Variants in DLG2 observed in about 807,000 individuals in gnomAD.
DLG2 encodes the protein discs large MAGUK scaffold protein 2.
DLG2 carries 45 observed loss-of-function variants against 132.5 expected under a neutral mutation model. The observed-to-expected ratio is 0.34, with a 90% CI of 0.27 to 0.44. The LOEUF is 0.44. Among genes scored for constraint, DLG2 ranks in the 20% least tolerant of loss-of-function variants. The probability of loss-of-function intolerance (pLI) is 1.00; values close to 1 mark genes in which losing one functional copy is unlikely to be tolerated. For synonymous variants in DLG2, 424 were observed against 419.6 expected (o/e 1.01, Z -0.13); for missense variants, 1,045 against 1,196.9 (o/e 0.87, Z 1.87).
At chr11:84,961,043 G>T (rs894737367) in intron 6 of DLG2, among the ~76,000 whole-genome samples, 2 of 151,920 alleles carry the variant, frequency 1.3e-5, no homozygotes, top group Non-Finnish European at 2.9e-5. Context: ...GTTATATATT[G>T]AAATGTAAAT....
intron 6 of DLG2, among the ~76,000 whole-genome samples, chr11:84,675,341 T>C (rs1440451455): frequency 2.6e-5 from 4 of 152,072 alleles, no homozygotes; most frequent in African/African-American, 9.7e-5. Flanking sequence ...GCAGAGCCGC[T>C]TCTCTCCTGG....
chr11:85,137,788 C>T (rs1398988883), intron 5 of DLG2, among the ~76,000 whole-genome samples: 1 of 152,130 alleles, frequency 6.6e-6, no homozygotes, highest in Non-Finnish European at 1.5e-5. Flanking sequence ...AGCAGGCACA[C>T]AAATGACATC....
At chr11:85,498,068 C>G (rs2093709080) in intron 3 of DLG2, among the ~76,000 whole-genome samples, 1 of 152,160 alleles carries the variant, frequency 6.6e-6, no homozygotes, top group Non-Finnish European at 1.5e-5. Flanking sequence ...GGATCAAATT[C>G]ACACATGACA....
chr11:84,077,467 A>T (rs1282233260), intron 10 of DLG2, among the ~76,000 whole-genome samples: 1 of 152,140 alleles, frequency 6.6e-6, no homozygotes, highest in African/African-American at 2.4e-5. Context: ...TCTTCTGACC[A>T]TGCTGGCCAT....
chr11:84,005,419 C>A (rs1365606428), intron 11 of DLG2, among the ~76,000 whole-genome samples: 1 of 151,892 alleles, frequency 6.6e-6, no homozygotes. Flanking sequence ...AGGGAAAACA[C>A]TTCATGACAC....
intron 16 of DLG2, among the ~76,000 whole-genome samples, chr11:83,836,913 G>C (rs1012823092): frequency 6.6e-6 from 1 of 152,174 alleles, no homozygotes. Flanking sequence ...CTTGATCACA[G>C]AACAGCAGGG....
intron 6 of DLG2, among the ~76,000 whole-genome samples, chr11:84,985,562 C>T (rs1193927041): frequency 6.6e-6 from 1 of 151,588 alleles, no homozygotes; most frequent in Non-Finnish European, 1.5e-5. Context: ...GGTCACACCT[C>T]AAGAAAAAAA....
At chr11:84,465,396 A>G (rs1213039535) in intron 7 of DLG2, among the ~76,000 whole-genome samples, 3 of 151,194 alleles carry the variant, frequency 2.0e-5, no homozygotes, top group Non-Finnish European at 3.0e-5. Context: ...TTACTAGTGG[A>G]TCTTCTTCAT....
chr11:83,491,667 A>G (rs763446817), intron 21 of DLG2, among the ~76,000 whole-genome samples: 1 of 151,980 alleles, frequency 6.6e-6, no homozygotes, highest in Admixed American at 6.6e-5. Flanking sequence ...CGATGACTCT[A>G]ATGCATATAG....
intron 3 of DLG2, among the ~76,000 whole-genome samples, chr11:85,549,236 G>A (rs1160500820): frequency 2.0e-5 from 3 of 152,104 alleles, no homozygotes; most frequent in African/African-American, 7.2e-5. Context: ...TAGACAAGGT[G>A]TTCCCTGACC....
intron 7 of DLG2, among the ~76,000 whole-genome samples, chr11:84,420,444 G>T (rs2098944761): frequency 6.6e-6 from 1 of 151,944 alleles, no homozygotes; most frequent in Non-Finnish European, 1.5e-5. Context: ...TACTCACTCT[G>T]ACCCTAGTAG....
chr11:85,014,613 G>A (rs2059416202), intron 6 of DLG2, among the ~76,000 whole-genome samples: 2 of 152,118 alleles, frequency 1.3e-5, no homozygotes, highest in African/African-American at 4.8e-5. Context: ...GCAAGTAAAA[G>A]TACAGTATTG....
At chr11:85,302,618 T>C (rs1250521608) in intron 3 of DLG2, among the ~76,000 whole-genome samples, 5 of 143,472 alleles carry the variant, frequency 3.5e-5, no homozygotes, top group African/African-American at 1.0e-4. Context: ...GATAGGCTAA[T>C]CCAATTGGAT....
intron 11 of DLG2, among the ~76,000 whole-genome samples, chr11:83,994,230 C>A (rs919663989): frequency 1.3e-5 from 2 of 152,112 alleles, no homozygotes; most frequent in Non-Finnish European, 2.9e-5. Flanking sequence ...CAACTAATCA[C>A]AATACGTAGC....
chr11:83,660,927 A>G (rs1591941091), intron 18 of DLG2, among the ~76,000 whole-genome samples: 1 of 152,106 alleles, frequency 6.6e-6, no homozygotes, highest in Non-Finnish European at 1.5e-5. Flanking sequence ...CCACAACCCT[A>G]TATCAAGCAC....
intron 4 of DLG2, among the ~76,000 whole-genome samples, chr11:85,276,807 C>A (rs1318097023): frequency 1.3e-5 from 2 of 152,042 alleles, no homozygotes; most frequent in African/African-American, 2.4e-5. Flanking sequence ...ATACTTACTG[C>A]CTAAAAAGCT....
intron 6 of DLG2, among the ~76,000 whole-genome samples, chr11:84,848,788 G>T (rs538212336): frequency 6.6e-6 from 1 of 152,172 alleles, no homozygotes; most frequent in Non-Finnish European, 1.5e-5. Context: ...GAAGGGACAT[G>T]GGTCACTTGG....
At chr11:83,843,768 C>T (rs556412468) in intron 16 of DLG2, among the ~76,000 whole-genome samples, 72 of 151,884 alleles carry the variant, frequency 4.7e-4, no homozygotes, top group African/African-American at 1.6e-3. Flanking sequence ...GTTGAAATTC[C>T]GATAAGACAA....
chr11:84,152,436 G>C (rs1437533360), intron 9 of DLG2, among the ~76,000 whole-genome samples: 6 of 151,012 alleles, frequency 4.0e-5, no homozygotes, highest in African/African-American at 7.3e-5. Context: ...GCCCAGGCTG[G>C]AGTGCAGTGG....
Sources: gnomAD v4.1 joint callset for allele counts (sites outside exome capture counted in the v4.1 genomes callset) on GRCh38, gnomAD v4.1.1 for gene constraint, MANE v1.5 for transcripts, NCBI Gene and HGNC (gene_info 2026-07-23, HGNC 2026-07-21) for gene names.